Variants in PCDHGA6 observed in about 807,000 individuals in gnomAD.
PCDHGA6 encodes the protein protocadherin gamma subfamily A, 6.
In PCDHGA6, 41 loss-of-function variants were observed where a neutral mutation model predicts 60.6. The ratio of observed to expected loss-of-function variants is 0.68; its 90% CI spans 0.53 to 0.88. PCDHGA6 has a LOEUF of 0.88. PCDHGA6 is among the 40% of genes least tolerant of loss of function. The pLI is 0.00. For synonymous variants in PCDHGA6, 594 were observed against 524.4 expected, an observed-to-expected ratio of 1.13 and a Z score of -1.81; for missense variants, 1,312 against 1,203.0, an observed-to-expected ratio of 1.09 and a Z score of -1.34.
At chr5:141,460,214 G>A (rs925628892) in intron 1 of PCDHGA6, among the ~76,000 whole-genome samples, 2 of 151,896 alleles carry the variant, frequency 1.3e-5, no homozygotes, top group Admixed American at 6.6e-5. Flanking sequence ...CATTTTCTTA[G>A]TTGTGTCTTT....
At position 141,489,125 on chromosome 5, in the gene PCDHGA6, G is replaced by T. The variant is rs537146985; in HGVS notation, c.2425-5682G>T. 1.1e-4 allele frequency: 77 copies of T among 728,124 alleles called. No individual in the cohort carries two copies. The East Asian group carries it at 1.9e-3, about 18-fold the overall frequency. 45.1% of individuals were successfully genotyped at this position (728,124 alleles called of 1,614,324 possible). A position where few individuals can be genotyped will look rare whatever the true frequency, so the allele number is the denominator to read the frequency against. ...CTGCAAGCAGGCAAACCTCCGAGCAGTTTTTAAGAGGCTGGAAGGAGACAT... is the reference window on the plus strand; with the variant it reads ...CTGCAAGCAGGCAAACCTCCGAGCATTTTTTAAGAGGCTGGAAGGAGACAT... On this transcript the variant is annotated intron_variant, in intron 1 of 3. Coordinates refer to ENST00000517434, the MANE Select transcript of PCDHGA6 (RefSeq NM_018919.3). The surrounding 1 kb of genome is among the most constrained non-coding windows in gnomAD (Gnocchi z 4.5).
chr5:141,398,087 G>T (rs1377881034), intron 1 of PCDHGA6: 1 of 1,599,430 alleles, frequency 6.3e-7, no homozygotes, highest in African/African-American at 1.3e-5. Flanking sequence ...TTGTAACCTG[G>T]CGTCTCCAGG....
chr5:141,463,018 T>C (rs1318740358), intron 1 of PCDHGA6, among the ~76,000 whole-genome samples: 1 of 152,212 alleles, frequency 6.6e-6, no homozygotes, highest in Admixed American at 6.5e-5. Flanking sequence ...AATTCTGACT[T>C]TTTTGATTAA....
chr5:141,475,885 A>T, intron 1 of PCDHGA6: 1 of 556,524 alleles, frequency 1.8e-6, no homozygotes, highest in Non-Finnish European at 3.2e-6. Flanking sequence ...ATTGGCTGGG[A>T]CTCTGTGTGC....
At chr5:141,387,016 T>C (rs2090783508) in intron 1 of PCDHGA6, among the ~76,000 whole-genome samples, 1 of 152,202 alleles carries the variant, frequency 6.6e-6, no homozygotes, top group South Asian at 2.1e-4. Flanking sequence ...ACTTTGAAGA[T>C]GAATGTTGTA....
intron 2 of PCDHGA6, among the ~76,000 whole-genome samples, chr5:141,498,009 C>T (rs1160103624): frequency 6.6e-6 from 1 of 152,146 alleles, no homozygotes; most frequent in African/African-American, 2.4e-5. Context: ...TTACAGTGCA[C>T]TGAAGGAGAC....
intron 1 of PCDHGA6, chr5:141,478,456 T>A (rs371773090): frequency 3.1e-6 from 5 of 1,613,366 alleles, no homozygotes; most frequent in African/African-American, 2.7e-5. Context: ...GTGCAGCCAG[T>A]CCACTGGCCA....
rs780788394 is a variant in PCDHGA6 at position 141,491,675 on chromosome 5, C to T, written c.2425-3132C>T. ...GAGCCTGACGCCATCCGGTCCCGCT[C>T]TAATACGCTGCGGGAGCGGAGCCAG... On this transcript the variant is annotated intron_variant, in intron 1 of 3. Transcript: ENST00000517434. The surrounding 1 kb of genome is among the most constrained non-coding windows in gnomAD (Gnocchi z 6.9). 6 of 1,613,450 alleles carry T rather than the reference C, an allele frequency of 3.7e-6. No homozygotes were observed. The African/African-American group carries it at 8.0e-5, about 22-fold the overall frequency.
chr5:141,413,926 T>C, intron 1 of PCDHGA6: 4 of 1,613,380 alleles, frequency 2.5e-6, no homozygotes, highest in Non-Finnish European at 3.4e-6. Flanking sequence ...CTTGCCAGAA[T>C]ACCGAGTGAG....
At position 141,485,326 on chromosome 5, in the gene PCDHGA6, T is replaced by C. The variant is rs2154580391; in HGVS notation, c.2425-9481T>C. On this transcript the variant is annotated intron_variant, in intron 1 of 3. Coordinates refer to ENST00000517434, the MANE Select transcript of PCDHGA6 (RefSeq NM_018919.3). This position sits in a 1 kb window ranked among gnomAD's most constrained non-coding sequence, Gnocchi z 5.7. ...CTTTTGTAGGGAATGTCGCTCAAGATTTCCTGCTGGATACGGACAGTCTGT... is the reference window on the plus strand; with the variant it reads ...CTTTTGTAGGGAATGTCGCTCAAGACTTCCTGCTGGATACGGACAGTCTGT... 1 of 1,614,106 alleles carries C rather than the reference T, an allele frequency of 6.2e-7. No homozygotes were observed. The highest frequency in any genetic ancestry group is 1.7e-5 in the Admixed American group (1 of 60,028).
At position 141,487,215 on chromosome 5, in the gene PCDHGA6, C is replaced by G. The variant is rs1248989099; in HGVS notation, c.2425-7592C>G. 4 of 1,613,850 alleles carry G rather than the reference C, an allele frequency of 2.5e-6. No homozygotes were observed. Among genetic ancestry groups the G allele is most frequent in the East Asian group, 4.5e-5 (2 of 44,882 alleles). The stretch of plus-strand genomic sequence containing the variant: ...GTCCCAGATCTTCGAGAATCTTCAG[C>G]TCCAAGGGAAGGAGAATCTCGTCTA... On this transcript the variant is annotated intron_variant, in intron 1 of 3. Coordinates refer to ENST00000517434, the MANE Select transcript of PCDHGA6 (RefSeq NM_018919.3). This position sits in a 1 kb window ranked among gnomAD's most constrained non-coding sequence, Gnocchi z 5.0.
Position 141,491,382 on chromosome 5 carries a change from G to T in PCDHGA6, c.2425-3425G>T, listed in dbSNP as rs918558. 0.21 allele frequency: 331,798 copies of T among 1,613,774 alleles called. 36,318 individuals are homozygous for T. The highest frequency in any genetic ancestry group is 0.37 in the Admixed American group (22,359 of 60,012). ...TAGTCACCTTCACCTTTCTGTCAGC[G>T]AAGTGCCTTCAGGGAAACGCAGACG... is the stretch of plus-strand genomic sequence containing the variant. On this transcript the variant is annotated intron_variant, in intron 1 of 3. Transcript: ENST00000517434. This position sits in a 1 kb window ranked among gnomAD's most constrained non-coding sequence, Gnocchi z 6.9.
chr5:141,403,340 G>T, intron 1 of PCDHGA6: 3 of 1,613,982 alleles, frequency 1.9e-6, no homozygotes, highest in African/African-American at 1.3e-5. Flanking sequence ...TAACGACAGC[G>T]CCCCAAAGTT....
In PCDHGA6 at chr5:141,439,231, T is replaced by C. The variant is rs545867747; in HGVS notation, c.2425-55576T>C. 2.0e-5 allele frequency among the ~76,000 whole-genome samples: 3 copies of C among 151,650 alleles called. No individual in the cohort carries two copies. In the East Asian group the frequency reaches 5.8e-4, roughly 29 times the overall value. On this transcript the variant is annotated intron_variant, in intron 1 of 3. Coordinates refer to ENST00000517434, the MANE Select transcript of PCDHGA6 (RefSeq NM_018919.3). ...TCCATATGTGAAAATTCTTAGAAGC[T>C]TCCTATACAATTTCAGCTGAAGATT...
rs372521976 is a variant in PCDHGA6 at position 141,375,128 on chromosome 5, G to C, written c.1045G>C (p.Val349Leu). 1 of 1,613,780 alleles carries C rather than the reference G, an allele frequency of 6.2e-7. No homozygotes were observed. Among genetic ancestry groups the C allele is most frequent in the Non-Finnish European group, 8.5e-7 (1 of 1,179,866 alleles). ...CAATGATAATGTACCAGAAGTGGTT[G>C]TTACATCTGGAAGCAGAACAATTGC... ...DVNDNVPEVV[V>L]TSGSRTIAES... is the part of the protein sequence containing the mutation. The change falls in exon 1 of 4, where the codon GTT becomes CTT. Residue 349 changes from valine (V) to leucine (L), a missense_variant. Transcript: ENST00000517434.
intron 1 of PCDHGA6, among the ~76,000 whole-genome samples, chr5:141,472,245 T>A (rs1217786736): frequency 6.6e-6 from 1 of 152,144 alleles, no homozygotes; most frequent in East Asian, 1.9e-4. Context: ...ACTTTCTATT[T>A]TAAAGTTATA....
chr5:141,395,370 G>C, intron 1 of PCDHGA6: 1 of 1,207,198 alleles, frequency 8.3e-7, no homozygotes, highest in Non-Finnish European at 1.1e-6. Context: ...GTTTATTTTG[G>C]TGGTGTTACT....
rs1387152450 is a variant in PCDHGA6 at position 141,487,754 on chromosome 5, G to A, written c.2425-7053G>A. The A allele has an allele frequency of 1.3e-6, 2 of 1,552,036 alleles. No individual in the cohort carries two copies. Among genetic ancestry groups the A allele is most frequent in the Admixed American group, 3.9e-5 (2 of 50,970 alleles). ...CATTTTTGTAAGAGGTAACTATGTG[G>A]TAGACGCTGTGCTTTGTAACTGTTT... On this transcript the variant is annotated intron_variant, in intron 1 of 3. Transcript: ENST00000517434. This position sits in a 1 kb window ranked among gnomAD's most constrained non-coding sequence, Gnocchi z 5.0.
chr5:141,475,955 C>A, intron 1 of PCDHGA6: 1 of 800,218 alleles, frequency 1.2e-6, no homozygotes, highest in Non-Finnish European at 1.9e-6. Flanking sequence ...TTCTGCGCCC[C>A]GGGATGAGGC....
Sources: gnomAD v4.1 joint callset for allele counts (sites outside exome capture counted in the v4.1 genomes callset) on GRCh38, gnomAD v4.1.1 for gene constraint, Gnocchi (gnomAD v3.1) non-coding constraint, MANE v1.5 for transcripts, NCBI Gene and HGNC (gene_info 2026-07-23, HGNC 2026-07-21) for gene names.